KCTD2: variants seen among roughly 807,000 people sequenced by gnomAD.
KCTD2 encodes potassium channel tetramerization domain containing 2.
In KCTD2, 18 loss-of-function variants were observed where a neutral mutation model predicts 27.9. That is an observed-to-expected ratio of 0.64 (90% CI 0.45 to 0.96). KCTD2 has a LOEUF of 0.96. Ranked by LOEUF, KCTD2 falls within the 40% of genes least tolerant of loss-of-function variation. KCTD2 has a pLI of 0.00. For synonymous variants in KCTD2, 175 were observed against 148.4 expected (o/e 1.18, Z -1.30); for missense variants, 280 against 348.0 (o/e 0.80, Z 1.56).
chr17:75,038,897 A>C (rs1433101807), intron 3 of KCTD2: 2 of 1,594,732 alleles, frequency 1.3e-6, no homozygotes, highest in South Asian at 2.3e-5. Context: ...CAGAATGTGT[A>C]ATACAAGGGC....
Position 75,055,903 on chromosome 17 carries a change from C to T in KCTD2, c.540+2798C>T, listed in dbSNP as rs143699289. On this transcript the variant is annotated intron_variant, in intron 3 of 5. Transcript: ENST00000322444. ...AAAATTGTCTGAGTGTGGTAGCGGG[C>T]GCCTATAATCCCAGCTACTTGGGAG... 3.4e-5 allele frequency among the ~76,000 whole-genome samples: 5 copies of T among 146,962 alleles called. No individual in the cohort carries two copies. In the East Asian group the frequency reaches 8.0e-4, roughly 23 times the overall value.
rs2073260379 is a variant in KCTD2, at chr17:75,049,234, C to G, written c.354C>G (p.Ala118=). The G allele has an allele frequency of 6.2e-7, 1 of 1,610,624 alleles. No homozygotes were observed. The highest frequency in any genetic ancestry group is 1.1e-5 in the South Asian group (1 of 90,992). ...TTGGTTGGCAGGATGAGACAGGAGC[C>G]TATCTGATTGACAGGGACCCCACCT... ...ELDSDKDETG[A]YLIDRDPTYF... The change falls in exon 2 of 6, where the codon GCC becomes GCG. Residue 118 remains alanine, a synonymous_variant. Coordinates refer to ENST00000322444, the MANE Select transcript of KCTD2 (RefSeq NM_015353.3).
chr17:75,036,264 AG>A (rs966801492), intron 3 of KCTD2, among the ~76,000 whole-genome samples: 8 of 151,862 alleles, frequency 5.3e-5, no homozygotes, highest in African/African-American at 1.9e-4. Context: ...CTGGGGCTAC[AG>A]GCGCCCGCCA....
At chr17:75,043,986 C>T (rs887929373), upstream of KCTD2, among the ~76,000 whole-genome samples, 38 of 151,358 alleles carry the variant, frequency 2.5e-4, no homozygotes, top group African/African-American at 8.5e-4. Flanking sequence ...TTATTCACAT[C>T]GGATTATACC....
intron 3 of KCTD2, among the ~76,000 whole-genome samples, chr17:75,053,858 C>G (rs200452841): frequency 1.0e-4 from 6 of 59,328 alleles, no homozygotes; most frequent in African/African-American, 1.9e-4. Context: ...GTGAACCATG[C>G]TTTTTTTTTT....
chr17:75,052,540 G>A (rs879420728), intron 2 of KCTD2, among the ~76,000 whole-genome samples: 2 of 152,224 alleles, frequency 1.3e-5, no homozygotes, highest in Non-Finnish European at 2.9e-5. Context: ...TGACCAACAT[G>A]ATGAAACCCT....
At chr17:75,051,032 G>A (rs2073278822) in intron 2 of KCTD2, among the ~76,000 whole-genome samples, 1 of 149,038 alleles carries the variant, frequency 6.7e-6, no homozygotes, top group South Asian at 2.1e-4. Context: ...GGAGTGCAGT[G>A]GCGCAATCTC....
At chr17:75,037,610 C>A (rs1360803017) in intron 3 of KCTD2, among the ~76,000 whole-genome samples, 3 of 152,184 alleles carry the variant, frequency 2.0e-5, no homozygotes, top group African/African-American at 7.2e-5. Flanking sequence ...AAGGACAATT[C>A]TTTCTACCAC....
chr17:75,051,544 G>A (rs1373701612), intron 2 of KCTD2, among the ~76,000 whole-genome samples: 2 of 148,592 alleles, frequency 1.3e-5, no homozygotes, highest in East Asian at 2.0e-4. Context: ...TTGGCCTCCC[G>A]AAATGCTGCG....
intron 1 of KCTD2, among the ~76,000 whole-genome samples, chr17:75,033,836 G>C (rs373265198): frequency 6.6e-6 from 1 of 152,246 alleles, no homozygotes; most frequent in East Asian, 1.9e-4. Context: ...TCGCGCCTCT[G>C]TCAGGCCTTC....
upstream of KCTD2, among the ~76,000 whole-genome samples, chr17:75,046,017 C>T (rs556034157): frequency 8.6e-4 from 131 of 152,300 alleles, no homozygotes; most frequent in Non-Finnish European, 1.6e-3. Context: ...TGGTTTCAGC[C>T]GGTCTCTCTG....
intron 3 of KCTD2, among the ~76,000 whole-genome samples, chr17:75,037,918 G>A (rs575439543): frequency 4.0e-5 from 6 of 151,854 alleles, no homozygotes; most frequent in African/African-American, 9.7e-5. Context: ...GCGTGATGGC[G>A]GGCACCTGTA....
rs994442268 is a variant in KCTD2 at position 75,065,320 on chromosome 17, C to T, written c.*2273C>T. The stretch of plus-strand genomic sequence containing the variant: ...AAGATTTCTGGGAGCGTTGTTCACC[C>T]ACCCCCTTTAGGAACCAGGCTGGTG... On this transcript the variant is annotated 3_prime_UTR_variant, in exon 6 of 6. Transcript: ENST00000322444. 4.6e-5 allele frequency: 7 copies of T among 152,272 alleles called. No homozygotes were observed. The highest frequency in any genetic ancestry group is 1.3e-4 in the Admixed American group (2 of 15,278). The allele number at this position is 152,272 out of a possible 1,614,324, so 9.4% of individuals were successfully genotyped here.
chr17:75,035,416 C>T (rs2040107060), intron 3 of KCTD2: 1 of 152,170 alleles, frequency 6.6e-6, no homozygotes, highest in African/African-American at 2.4e-5. Flanking sequence ...ACGAGTTCAA[C>T]ATCCAAACAT....
intron 3 of KCTD2, among the ~76,000 whole-genome samples, chr17:75,053,939 A>G (rs1370355136): frequency 7.1e-6 from 1 of 141,640 alleles, no homozygotes; most frequent in African/African-American, 2.7e-5. Context: ...CTAGGATTAC[A>G]GGAGTGAGCC....
At chr17:75,047,099 C>G (rs1598119215), upstream of KCTD2, 1 of 275,648 alleles carries the variant, frequency 3.6e-6, no homozygotes, top group African/African-American at 2.3e-5. Context: ...CACAGCGCCT[C>G]CCCCGCGCGG....
At chr17:75,052,028 A>C (rs903234043) in intron 2 of KCTD2, among the ~76,000 whole-genome samples, 2 of 150,500 alleles carry the variant, frequency 1.3e-5, no homozygotes, top group African/African-American at 4.9e-5. Flanking sequence ...CCCCACCCCC[A>C]GTCCTTTTGA....
upstream of KCTD2, chr17:75,046,978 C>T (rs1308794940): frequency 5.3e-6 from 1 of 186,960 alleles, no homozygotes; most frequent in African/African-American, 2.4e-5. Context: ...GGAAGTGGGT[C>T]ACGGGAAGAT....
rs993513051 is a variant in KCTD2 at position 75,047,227 on chromosome 17, C to G, written c.-24C>G. ...GGCCGGCCCGGCTGCGCGCGGGCAG[C>G]AGCGGTGGCGGCGGCGGTCCAAGAT... On this transcript the variant is annotated 5_prime_UTR_variant, in exon 1 of 6. Transcript: ENST00000322444. 4 of 801,176 alleles carry G rather than the reference C, an allele frequency of 5.0e-6. No individual in the cohort carries two copies. Among genetic ancestry groups the G allele is most frequent in the Non-Finnish European group, 6.6e-6 (4 of 602,360 alleles). 49.6% of individuals were successfully genotyped at this position (801,176 alleles called of 1,614,324 possible). A position where few individuals can be genotyped will look rare whatever the true frequency, so the allele number is the denominator to read the frequency against.
Sources: gnomAD v4.1 joint callset for allele counts (sites outside exome capture counted in the v4.1 genomes callset) on GRCh38, gnomAD v4.1.1 for gene constraint, MANE v1.5 for transcripts, NCBI Gene and HGNC (gene_info 2026-07-23, HGNC 2026-07-21) for gene names.